The following CLDN1 variants were observed in gnomAD, a reference collection of about 807,000 sequenced individuals.
CLDN1 encodes claudin-1.
In CLDN1, 12 loss-of-function variants were observed where a neutral mutation model predicts 22.6. That is an observed-to-expected ratio of 0.53 (90% CI 0.34 to 0.86). The LOEUF is 0.86. Ranked by LOEUF, CLDN1 falls within the 40% of genes least tolerant of loss-of-function variation. The probability of loss-of-function intolerance (pLI) is 0.02; values close to 1 mark genes in which losing one functional copy is unlikely to be tolerated. For synonymous variants in CLDN1, 99 were observed against 103.8 expected (o/e 0.95, Z 0.28); for missense variants, 250 against 269.5 (o/e 0.93, Z 0.51).
chr3:190,307,642 A>C lies in CLDN1; in HGVS notation c.*635T>G, dbSNP rs1264552125. 6.6e-6 allele frequency: 1 copy of C among 152,240 alleles called. No homozygotes were observed. Among genetic ancestry groups the C allele is most frequent in the African/African-American group, 2.4e-5 (1 of 41,462 alleles). The allele number at this position is 152,240 out of a possible 1,614,324, so 9.4% of individuals were successfully genotyped here. ...ATAGAGACCAATGAAACACAAAACA[A>C]ATAAGGGCTTAATAACGATGCAAGT... On this transcript the variant is annotated 3_prime_UTR_variant, in exon 4 of 4. Coordinates refer to ENST00000295522, the MANE Select transcript of CLDN1 (RefSeq NM_021101.5).
intron 1 of CLDN1, among the ~76,000 whole-genome samples, chr3:190,314,299 T>C (rs1716705174): frequency 6.6e-6 from 1 of 152,230 alleles, no homozygotes; most frequent in African/African-American, 2.4e-5. Context: ...CAATCATAAT[T>C]GAAGCTAAAT....
In CLDN1 at chr3:190,316,047, A is replaced by G. The variant is rs115579330; in HGVS notation, c.224-3011T>C. Among the ~76,000 whole-genome samples, 402 of 152,344 alleles carry G rather than the reference A, an allele frequency of 2.6e-3. 2 individuals carry two copies. Among genetic ancestry groups the G allele is most frequent in the African/African-American group, 8.7e-3 (363 of 41,580 alleles). On this transcript the variant is annotated intron_variant, in intron 1 of 3. Transcript: ENST00000295522. ...TCAAATCTATCTTGCCACTTCATCTACAAAGTGTTCTTTCCAAGGGGCTGG... is the reference window on the plus strand; with the variant it reads ...TCAAATCTATCTTGCCACTTCATCTGCAAAGTGTTCTTTCCAAGGGGCTGG...
rs1242115484 is a variant in CLDN1 at position 190,322,328 on chromosome 3, C to T, written c.-122G>A. 5.3e-5 allele frequency: 48 copies of T among 898,754 alleles called. No homozygotes were observed. Among genetic ancestry groups the T allele is most frequent in the Admixed American group, 2.0e-5 (1 of 49,742 alleles). The allele number at this position is 898,754 out of a possible 1,614,324, so 55.7% of individuals were successfully genotyped here. On this transcript the variant is annotated 5_prime_UTR_variant, in exon 1 of 4. Transcript: ENST00000295522. ...CCGCGGAGGAAGTTAAGGCGGGGAG[C>T]CCTGCTCGCTGCGCCGCCGCTGGAG...
intron 1 of CLDN1, among the ~76,000 whole-genome samples, chr3:190,315,724 C>T (rs73190602): frequency 0.04 from 6,109 of 152,182 alleles, 175 homozygotes; most frequent in South Asian, 0.083. Context: ...TGTGGGGCCC[C>T]AAACTGGACC....
chr3:190,322,321 C>T lies in CLDN1; in HGVS notation c.-115G>A, dbSNP rs1212634329. The T allele has an allele frequency of 3.2e-6, 3 of 946,648 alleles. No individual in the cohort carries two copies. In the East Asian group the frequency reaches 7.8e-5, roughly 25 times the overall value. The allele number at this position is 946,648 out of a possible 1,614,324, so 58.6% of individuals were successfully genotyped here. The stretch of plus-strand genomic sequence containing the variant: ...CTGGGCCCCGCGGAGGAAGTTAAGG[C>T]GGGGAGCCCTGCTCGCTGCGCCGCC... On this transcript the variant is annotated 5_prime_UTR_variant, in exon 1 of 4. Transcript: ENST00000295522.
In CLDN1 at chr3:190,312,967, G is replaced by T; in HGVS notation, c.293C>A (p.Ala98Asp). The part of the protein sequence containing the change: ...ILLGVIAIFV[A>D]TVGMKCMKCL... ...CTTCATACACTTCATGCCAACGGTG[G>T]CCACAAAGATTGCTATCACTCCCAG... The change falls in exon 2 of 4, where the codon GCC becomes GAC. Residue 98 changes from alanine (A) to aspartate (D), a missense_variant. Transcript: ENST00000295522. The T allele has an allele frequency of 6.2e-7, 1 of 1,614,140 alleles. No homozygotes were observed. The highest frequency in any genetic ancestry group is 8.5e-7 in the Non-Finnish European group (1 of 1,180,028).
chr3:190,316,483 G>C (rs1398612109), intron 1 of CLDN1, among the ~76,000 whole-genome samples: 1 of 152,196 alleles, frequency 6.6e-6, no homozygotes, highest in East Asian at 1.9e-4. Context: ...CAAGGCGTAG[G>C]TAATGATAGG....
Position 190,319,703 on chromosome 3 carries a change from T to C in CLDN1, c.223+2281A>G, listed in dbSNP as rs149549378. On this transcript the variant is annotated intron_variant, in intron 1 of 3. Transcript: ENST00000295522. Reference sequence around the variant, plus strand: ...AAGCTTTTCACCTAAACACACTTAATGAAATGCAGCTTTTTTCTGAGTGAT... The same window carrying C: ...AAGCTTTTCACCTAAACACACTTAACGAAATGCAGCTTTTTTCTGAGTGAT... Among the ~76,000 whole-genome samples, 1,053 of 152,338 alleles carry C rather than the reference T, an allele frequency of 6.9e-3. 11 individuals are homozygous for C. Among genetic ancestry groups the C allele is most frequent in the African/African-American group, 0.025 (1,023 of 41,582 alleles).
chr3:190,312,486 G>A (rs528824694), intron 2 of CLDN1, among the ~76,000 whole-genome samples: 8 of 152,166 alleles, frequency 5.3e-5, no homozygotes, highest in Non-Finnish European at 1.2e-4. Context: ...CAGACCTGAA[G>A]GGTTCACATA....
intron 1 of CLDN1, among the ~76,000 whole-genome samples, chr3:190,316,247 T>C (rs1356559609): frequency 6.6e-6 from 1 of 152,226 alleles, no homozygotes; most frequent in Non-Finnish European, 1.5e-5. Flanking sequence ...AAATGTCGTT[T>C]TGCAAAGTAA....
chr3:190,312,806 G>A (rs1376186235), intron 2 of CLDN1, 66 bp downstream of exon 2: 22 of 1,555,656 alleles, frequency 1.4e-5, no homozygotes, highest in Admixed American at 1.7e-5. Flanking sequence ...TGAATCCAAC[G>A]TAATAGATTT....
intron 1 of CLDN1, among the ~76,000 whole-genome samples, chr3:190,315,065 T>C (rs1716729469): frequency 6.6e-6 from 1 of 152,330 alleles, no homozygotes; most frequent in East Asian, 1.9e-4. Context: ...TTAAGGTATG[T>C]CCTCTTTCTG....
chr3:190,311,940 A>ATTTCT (rs1448277751), intron 2 of CLDN1, among the ~76,000 whole-genome samples: 130 of 135,900 alleles, frequency 9.6e-4, no homozygotes, highest in African/African-American at 3.4e-3. Context: ...AAAAACAGAT[A>ATTTCT]TTTCTTTTCT....
chr3:190,305,895 T>A lies in CLDN1; in HGVS notation c.*2382A>T, dbSNP rs1034167860. The A allele has an allele frequency of 6.6e-6, 1 of 152,182 alleles. No homozygotes were observed. Among genetic ancestry groups the A allele is most frequent in the Non-Finnish European group, 1.5e-5 (1 of 68,020 alleles). 9.4% of individuals were successfully genotyped at this position (152,182 alleles called of 1,614,324 possible). On this transcript the variant is annotated 3_prime_UTR_variant, in exon 4 of 4. Transcript: ENST00000295522. The stretch of plus-strand genomic sequence containing the variant: ...TGGGCCATAAAATTTTTTTGTAATG[T>A]TTGGTAACTGATATCCACATGGAAT...
At chr3:190,311,601 A>AT (rs147057112) in intron 2 of CLDN1, among the ~76,000 whole-genome samples, 4 of 151,150 alleles carry the variant, frequency 2.6e-5, no homozygotes, top group Non-Finnish European at 5.9e-5. Context: ...TATATCTGTT[A>AT]TTTTTTTAAA....
intron 1 of CLDN1, among the ~76,000 whole-genome samples, chr3:190,318,355 G>A (rs541266986): frequency 1.3e-5 from 2 of 152,254 alleles, no homozygotes; most frequent in African/African-American, 4.8e-5. Context: ...CCTAAGCTAT[G>A]TGACTTGCCT....
chr3:190,311,105 A>C (rs187535899), intron 2 of CLDN1, among the ~76,000 whole-genome samples: 5 of 152,312 alleles, frequency 3.3e-5, no homozygotes, highest in Admixed American at 3.3e-4. Context: ...GACAGAAAAC[A>C]CTATTGCTTT....
chr3:190,322,029 C>T lies in CLDN1; in HGVS notation c.178G>A (p.Gly60Arg). 2 of 1,614,184 alleles carry T rather than the reference C, an allele frequency of 1.2e-6. No homozygotes were observed. Among genetic ancestry groups the T allele is most frequent in the South Asian group, 1.1e-5 (1 of 91,080 alleles). The change falls in exon 1 of 4, where the codon GGG (glycine) becomes AGG (arginine). Residue 60 changes from glycine (G) to arginine (R), a missense_variant. Coordinates refer to ENST00000295522, the MANE Select transcript of CLDN1 (RefSeq NM_021101.5). ...TCAAAGACTTTGCACTGGATCTGCC[C>T]GGTGCTCTGCGACACGCAGGACATC... ...LWMSCVSQSTGQIQCKVFDSL... is the reference protein window; with the variant it reads ...LWMSCVSQSTRQIQCKVFDSL...
intron 1 of CLDN1, among the ~76,000 whole-genome samples, chr3:190,319,303 T>C (rs2108614258): frequency 6.6e-6 from 1 of 152,166 alleles, no homozygotes; most frequent in East Asian, 1.9e-4. Context: ...GCTACAAGAA[T>C]CCCCAGGGTC....
Sources: allele counts gnomAD v4.1 joint callset (sites outside exome capture counted in the v4.1 genomes callset), GRCh38; gene constraint gnomAD v4.1.1; transcripts MANE v1.5; gene names NCBI Gene and HGNC (gene_info 2026-07-23, HGNC 2026-07-21).